TMC1: variants seen among roughly 807,000 people sequenced by gnomAD.
The protein encoded by TMC1 is transmembrane channel like 1.
A neutral mutation model predicts 105.8 loss-of-function variants in TMC1; 84 were observed. The ratio of observed to expected loss-of-function variants is 0.79; its 90% CI spans 0.67 to 0.95. The LOEUF is 0.95. TMC1 is among the 40% of genes least tolerant of loss of function. The pLI is 0.00. For missense variants in TMC1, 817 were observed against 914.1 expected, an observed-to-expected ratio of 0.89 and a Z score of 1.37; for synonymous variants, 315 against 311.5, an observed-to-expected ratio of 1.01 and a Z score of -0.12.
chr9:72,817,280 C>T (rs968939497), intron 19 of TMC1: 6 of 152,126 alleles, frequency 3.9e-5, no homozygotes, highest in East Asian at 1.9e-4. Flanking sequence ...TTGTTTCCTC[C>T]TTTGTCAGGT....
At chr9:72,812,620 G>T (rs1223755850) in intron 18 of TMC1, among the ~76,000 whole-genome samples, 2 of 152,210 alleles carry the variant, frequency 1.3e-5, no homozygotes, top group African/African-American at 2.4e-5. Flanking sequence ...CCGAGAATGT[G>T]CTTTTCTGAC....
intron 8 of TMC1, among the ~76,000 whole-genome samples, chr9:72,724,898 T>C (rs1036194860): frequency 1.3e-5 from 2 of 152,164 alleles, no homozygotes; most frequent in Non-Finnish European, 2.9e-5. Context: ...GATAAATACA[T>C]TAATTATCAT....
At chr9:72,798,826 A>G (rs769217208) in intron 17 of TMC1, among the ~76,000 whole-genome samples, 9 of 152,022 alleles carry the variant, frequency 5.9e-5, no homozygotes, top group Non-Finnish European at 8.8e-5. Flanking sequence ...ATGTACTACT[A>G]AACCTAAAAT....
At chr9:72,694,014 A>C (rs903826248) in intron 6 of TMC1, among the ~76,000 whole-genome samples, 2 of 152,224 alleles carry the variant, frequency 1.3e-5, no homozygotes, top group African/African-American at 4.8e-5. Context: ...AATATTTAGA[A>C]TCAAGAATGA....
chr9:72,788,743 G>T lies in TMC1; in HGVS notation c.1029+260G>T, dbSNP rs112067652. Among the ~76,000 whole-genome samples, 706 of 152,184 alleles carry T rather than the reference G, an allele frequency of 4.6e-3. 6 individuals are homozygous for T. Among genetic ancestry groups the T allele is most frequent in the African/African-American group, 0.015 (627 of 41,518 alleles). On this transcript the variant is annotated intron_variant, in intron 14 of 23. Coordinates refer to ENST00000297784, the MANE Select transcript of TMC1 (RefSeq NM_138691.3). ...TGTTACTGGATTGAAATAGGACCAT[G>T]AGTAATCAGAATAAGATATTTTAAA...
chr9:72,587,438 A>C (rs1001359030), intron 2 of TMC1, among the ~76,000 whole-genome samples: 8 of 152,164 alleles, frequency 5.3e-5, no homozygotes, highest in Non-Finnish European at 1.2e-4. Context: ...GATTACAGGC[A>C]TGAGCCACTG....
At chr9:72,545,878 C>A (rs2132067895) in intron 1 of TMC1, among the ~76,000 whole-genome samples, 1 of 152,018 alleles carries the variant, frequency 6.6e-6, no homozygotes, top group Non-Finnish European at 1.5e-5. Context: ...ATTGACAATA[C>A]CTTCGCTTCT....
chr9:72,817,472 C>A (rs1179540508), intron 19 of TMC1, among the ~76,000 whole-genome samples: 1 of 152,082 alleles, frequency 6.6e-6, no homozygotes, highest in Non-Finnish European at 1.5e-5. Flanking sequence ...GGGTTCTGAG[C>A]TTTCATTTCC....
At chr9:72,569,343 C>T (rs547705241) in intron 1 of TMC1, among the ~76,000 whole-genome samples, 1 of 151,904 alleles carries the variant, frequency 6.6e-6, no homozygotes, top group East Asian at 1.9e-4. Flanking sequence ...TGGTTGGAAT[C>T]CACAAATGTA....
chr9:72,632,187 A>C (rs2132136300), intron 4 of TMC1, among the ~76,000 whole-genome samples: 1 of 152,230 alleles, frequency 6.6e-6, no homozygotes, highest in African/African-American at 2.4e-5. Context: ...TGAGAGATGG[A>C]GTGAGAGAGA....
chr9:72,757,877 A>G (rs1827697280), intron 12 of TMC1, among the ~76,000 whole-genome samples: 1 of 152,206 alleles, frequency 6.6e-6, no homozygotes, highest in African/African-American at 2.4e-5. Flanking sequence ...CCGAATTGGG[A>G]TGCAGGGCTG....
chr9:72,637,039 TGA>T (rs1237585577), intron 4 of TMC1, among the ~76,000 whole-genome samples: 1 of 151,520 alleles, frequency 6.6e-6, no homozygotes, highest in East Asian at 1.9e-4. Context: ...CCTAGAACTT[TGA>T]GTTTTTCCTT....
At chr9:72,641,810 CTTTTTTTTTTTTT>C (rs896125209) in intron 4 of TMC1, among the ~76,000 whole-genome samples, 109 of 86,998 alleles carry the variant, frequency 1.3e-3, no homozygotes, top group Non-Finnish European at 1.8e-3. Flanking sequence ...AGTCCCAAAT[CTTTTTTTTTTTTT>C]TTTTTTTTTT....
intron 7 of TMC1, among the ~76,000 whole-genome samples, chr9:72,695,359 A>G (rs1826531921): frequency 6.6e-6 from 1 of 152,218 alleles, no homozygotes; most frequent in Non-Finnish European, 1.5e-5. Context: ...AATGCATTAA[A>G]TGCTGTTTAG....
chr9:72,521,960 T>C (rs1460175235), intron 1 of TMC1, 47 bp downstream of exon 1: 2 of 152,194 alleles, frequency 1.3e-5, no homozygotes, highest in Non-Finnish European at 2.9e-5. Context: ...GTTAACATTC[T>C]TTATGAAACA....
chr9:72,718,903 G>A (rs933224739), intron 8 of TMC1, among the ~76,000 whole-genome samples: 2 of 152,178 alleles, frequency 1.3e-5, no homozygotes, highest in Non-Finnish European at 2.9e-5. Flanking sequence ...GGATAGGGGT[G>A]TGGTTCTCAG....
chr9:72,605,030 T>G (rs900520469), intron 2 of TMC1, among the ~76,000 whole-genome samples: 2 of 152,234 alleles, frequency 1.3e-5, no homozygotes, highest in Admixed American at 6.5e-5. Flanking sequence ...TGCTATTCTC[T>G]TCTCTTAAAA....
intron 5 of TMC1, among the ~76,000 whole-genome samples, chr9:72,669,821 T>G (rs1023379493): frequency 1.3e-5 from 2 of 152,116 alleles, no homozygotes; most frequent in African/African-American, 4.8e-5. Context: ...TTATGTGAAA[T>G]AAATAAAAAC....
intron 17 of TMC1, among the ~76,000 whole-genome samples, chr9:72,801,621 T>C (rs921025945): frequency 2.0e-5 from 3 of 152,208 alleles, no homozygotes; most frequent in Non-Finnish European, 4.4e-5. Flanking sequence ...TAATAAATTA[T>C]TTCTTTAGCT....
Sources: allele counts gnomAD v4.1 joint callset (sites outside exome capture counted in the v4.1 genomes callset), GRCh38; gene constraint gnomAD v4.1.1; transcripts MANE v1.5; gene names NCBI Gene and HGNC (gene_info 2026-07-23, HGNC 2026-07-21).